The following CHRM5 variants were observed in gnomAD, a reference collection of about 807,000 sequenced individuals.
The protein encoded by CHRM5 is cholinergic receptor muscarinic 5, also known as muscarinic acetylcholine receptor M5.
In CHRM5, 18 loss-of-function variants were observed where a neutral mutation model predicts 39.0. The observed-to-expected ratio is 0.46, with a 90% confidence interval of 0.32 to 0.68. The LOEUF (loss-of-function observed/expected upper bound fraction) is 0.68, where lower values mean the gene tolerates loss of function less well. Ranked by LOEUF, CHRM5 falls within the 30% of genes least tolerant of loss-of-function variation. CHRM5 has a pLI of 0.04. For synonymous variants in CHRM5, 241 were observed against 246.3 expected (o/e 0.98, Z 0.20); for missense variants, 515 against 651.1 (o/e 0.79, Z 2.28).
chr15:33,990,230 A>T (rs1417580075), intron 1 of CHRM5, among the ~76,000 whole-genome samples: 10 of 151,722 alleles, frequency 6.6e-5, no homozygotes, highest in Non-Finnish European at 1.5e-4. Flanking sequence ...AAACAAAAAA[A>T]ACTTAGCCAG....
chr15:34,062,382 C>T (rs896829815), intron 2 of CHRM5, among the ~76,000 whole-genome samples: 4 of 151,860 alleles, frequency 2.6e-5, no homozygotes, highest in East Asian at 1.9e-4. Context: ...AGTGAAACCC[C>T]GTCTCTACTA....
intron 1 of CHRM5, among the ~76,000 whole-genome samples, chr15:34,019,053 G>A (rs1898092037): frequency 6.6e-6 from 1 of 151,792 alleles, no homozygotes; most frequent in Non-Finnish European, 1.5e-5. Flanking sequence ...TTTTTACAGA[G>A]TGCTGATTGG....
chr15:34,050,212 T>A (rs1406800974), intron 2 of CHRM5, among the ~76,000 whole-genome samples: 1 of 152,028 alleles, frequency 6.6e-6, no homozygotes, highest in Admixed American at 6.6e-5. Context: ...GAAAAGAATG[T>A]CCAGACCAGA....
intron 2 of CHRM5, among the ~76,000 whole-genome samples, chr15:34,061,900 A>G (rs1900345232): frequency 6.6e-6 from 1 of 152,198 alleles, no homozygotes; most frequent in African/African-American, 2.4e-5. Flanking sequence ...CTGGGACTAT[A>G]GAATAGATAC....
Position 34,065,875 on chromosome 15 carries a change from T to G in CHRM5, c.*1559T>G, listed in dbSNP as rs964606395. On this transcript the variant is annotated 3_prime_UTR_variant, in exon 3 of 3. Coordinates refer to ENST00000383263, the MANE Select transcript of CHRM5 (RefSeq NM_012125.4). ...CAGCTGGACTTAAAAATCACCAGAC[T>G]TCATGCGTCTTAGTGTAGGCCGGGT... 1.3e-5 allele frequency: 2 copies of G among 152,226 alleles called. No individual in the cohort carries two copies. The highest frequency in any genetic ancestry group is 4.8e-5 in the African/African-American group (2 of 41,464). 9.4% of individuals were successfully genotyped at this position (152,226 alleles called of 1,614,324 possible).
intron 2 of CHRM5, among the ~76,000 whole-genome samples, chr15:34,051,670 C>G (rs1567489503): frequency 6.6e-6 from 1 of 151,746 alleles, no homozygotes; most frequent in Non-Finnish European, 1.5e-5. Context: ...CACCATTGAC[C>G]CCACAGAAAT....
At chr15:34,053,610 A>G (rs1900025633) in intron 2 of CHRM5, among the ~76,000 whole-genome samples, 1 of 152,094 alleles carries the variant, frequency 6.6e-6, no homozygotes, top group South Asian at 2.1e-4. Context: ...TGGTGCTGAG[A>G]GAACTGGCTA....
At chr15:33,992,335 A>C (rs928410322) in intron 1 of CHRM5, among the ~76,000 whole-genome samples, 1 of 151,932 alleles carries the variant, frequency 6.6e-6, no homozygotes, top group Non-Finnish European at 1.5e-5. Context: ...GCTTGCAGTG[A>C]GCCGAGATTG....
intron 1 of CHRM5, among the ~76,000 whole-genome samples, chr15:34,017,506 A>C (rs908788200): frequency 1.2e-4 from 16 of 132,712 alleles, no homozygotes; most frequent in Middle Eastern, 4.0e-3. Context: ...TTTTTGAGAC[A>C]GGGTCTTGCT....
chr15:34,024,425 A>T (rs1353181240), intron 1 of CHRM5, among the ~76,000 whole-genome samples: 11 of 149,456 alleles, frequency 7.4e-5, no homozygotes, highest in Admixed American at 4.7e-4. Context: ...CAAGGCCAAG[A>T]CTGCACCACT....
intron 1 of CHRM5, among the ~76,000 whole-genome samples, chr15:33,997,179 G>A (rs191914075): frequency 7.2e-5 from 11 of 152,018 alleles, no homozygotes; most frequent in Non-Finnish European, 1.5e-4. Flanking sequence ...ATAAACAGTA[G>A]GATAGAAAAT....
At chr15:33,990,390 A>G (rs1247719878) in intron 1 of CHRM5, among the ~76,000 whole-genome samples, 1 of 152,148 alleles carries the variant, frequency 6.6e-6, no homozygotes, top group Non-Finnish European at 1.5e-5. Flanking sequence ...TGAAAAAAAA[A>G]AGAAAAGAAA....
At chr15:34,053,319 A>AT (rs1555520677) in intron 2 of CHRM5, among the ~76,000 whole-genome samples, 601 of 41,892 alleles carry the variant, frequency 0.014, 1 homozygote, top group Middle Eastern at 0.043. Flanking sequence ...AAAAAAAAAA[A>AT]ATATATATAT....
At chr15:34,051,860 CA>C (rs923317288) in intron 2 of CHRM5, among the ~76,000 whole-genome samples, 1 of 150,160 alleles carries the variant, frequency 6.7e-6, no homozygotes, top group African/African-American at 2.4e-5. Flanking sequence ...GCCTACCAAC[CA>C]AAAAAAGAAA....
rs1900460886 is a variant in CHRM5 at position 34,064,547 on chromosome 15, A to G, written c.*231A>G. On this transcript the variant is annotated 3_prime_UTR_variant, in exon 3 of 3. Coordinates refer to ENST00000383263, the MANE Select transcript of CHRM5 (RefSeq NM_012125.4). ...GACCAAGGCCATTTGATGCCAGGGG[A>G]GTTTGCCAATGAAGTAAAGGGATAG... is the stretch of plus-strand genomic sequence containing the variant. 1.7e-6 allele frequency: 1 copy of G among 573,980 alleles called. No homozygotes were observed. Among genetic ancestry groups the G allele is most frequent in the Admixed American group, 3.4e-5 (1 of 29,702 alleles). The allele number at this position is 573,980 out of a possible 1,614,324, so 35.6% of individuals were successfully genotyped here.
intron 1 of CHRM5, among the ~76,000 whole-genome samples, chr15:33,983,355 T>C (rs1896273779): frequency 6.6e-6 from 1 of 151,962 alleles, no homozygotes; most frequent in Non-Finnish European, 1.5e-5. Context: ...CACCTTGTTT[T>C]ACAAACGTAC....
At chr15:34,022,661 C>A (rs970655865) in intron 1 of CHRM5, among the ~76,000 whole-genome samples, 1 of 152,196 alleles carries the variant, frequency 6.6e-6, no homozygotes, top group Middle Eastern at 3.2e-3. Flanking sequence ...TTGCCTTACA[C>A]CTTTTGCATA....
intron 1 of CHRM5, among the ~76,000 whole-genome samples, chr15:34,024,729 C>T (rs1898372450): frequency 6.7e-6 from 1 of 149,848 alleles, no homozygotes; most frequent in Non-Finnish European, 1.5e-5. Context: ...CGCATGGTGG[C>T]ACACGCCTGT....
At chr15:34,041,452 A>T (rs1899475045) in intron 1 of CHRM5, among the ~76,000 whole-genome samples, 1 of 152,208 alleles carries the variant, frequency 6.6e-6, no homozygotes, top group Non-Finnish European at 1.5e-5. Flanking sequence ...GAGAGACGAG[A>T]CCAGTGGGAA....
Sources: gnomAD v4.1 joint callset for allele counts (sites outside exome capture counted in the v4.1 genomes callset) on GRCh38, gnomAD v4.1.1 for gene constraint, MANE v1.5 for transcripts, NCBI Gene and HGNC (gene_info 2026-07-23, HGNC 2026-07-21) for gene names.